The following ODAD1 variants were observed in gnomAD, a reference collection of about 807,000 sequenced individuals.
ODAD1 encodes outer dynein arm docking complex subunit 1.
ODAD1 carries 49 observed loss-of-function variants against 67.2 expected under a neutral mutation model. The ratio of observed to expected loss-of-function variants is 0.73; its 90% CI spans 0.58 to 0.92. The LOEUF is 0.92. Among genes scored for constraint, ODAD1 ranks in the 40% least tolerant of loss-of-function variants. ODAD1 has a pLI of 0.00. For missense variants in ODAD1, 897 were observed against 953.7 expected (o/e 0.94, Z 0.78); for synonymous variants, 345 against 393.7 (o/e 0.88, Z 1.46).
chr19:48,299,839 C>A (rs569333753), intron 12 of ODAD1, among the ~76,000 whole-genome samples: 1 of 149,150 alleles, frequency 6.7e-6, no homozygotes, highest in Non-Finnish European at 1.5e-5. Flanking sequence ...AAAAAGGATG[C>A]ACAGGTGGAT....
At chr19:48,299,743 G>A (rs1968408746) in intron 12 of ODAD1, among the ~76,000 whole-genome samples, 1 of 152,152 alleles carries the variant, frequency 6.6e-6, no homozygotes, top group African/African-American at 2.4e-5. Context: ...GGAGATTGCA[G>A]TGAGCCGAGA....
intron 7 of ODAD1, 100 bp downstream of exon 7, chr19:48,311,453 A>G (rs1968759469): frequency 4.1e-5 from 29 of 710,204 alleles, no homozygotes; most frequent in Non-Finnish European, 1.0e-5. Flanking sequence ...AGTCAATCCC[A>G]TACTTGAGGC....
intron 5 of ODAD1, among the ~76,000 whole-genome samples, chr19:48,317,168 G>T (rs1233511281): frequency 6.6e-6 from 1 of 151,888 alleles, no homozygotes; most frequent in Admixed American, 6.6e-5. Context: ...TTCAATGAAG[G>T]CTAGACCAGA....
intron 5 of ODAD1, among the ~76,000 whole-genome samples, chr19:48,313,673 A>G (rs1208360170): frequency 6.6e-6 from 1 of 151,994 alleles, no homozygotes; most frequent in Non-Finnish European, 1.5e-5. Flanking sequence ...TCTCGAAGCC[A>G]GGAGTTCAAG....
In ODAD1 at chr19:48,298,085, G is replaced by A; in HGVS notation, c.1417C>T (p.Leu473=). 6.2e-7 allele frequency: 1 copy of A among 1,613,276 alleles called. No individual in the cohort carries two copies. The highest frequency in any genetic ancestry group is 8.5e-7 in the Non-Finnish European group (1 of 1,179,736). Residue 473 remains leucine, a synonymous_variant, in exon 14 of 16, where the codon CTG becomes TTG. Coordinates refer to ENST00000674294, the MANE Select transcript of ODAD1 (RefSeq NM_001364171.2). The part of the protein sequence containing the change: ...AFLHAQSFTS[L]ADAALLVLGQ... ...AGCACTAGGAGGGCAGCGTCGGCCA[G>A]GGAGGTGAAGCTCTGGAGAGTGTGG... is the stretch of plus-strand genomic sequence containing the variant.
intron 12 of ODAD1, 100 bp from the exon 13 acceptor site, chr19:48,298,440 C>T (rs1041651400): frequency 6.0e-5 from 77 of 1,281,992 alleles, no homozygotes; most frequent in South Asian, 2.8e-4. Context: ...ACAGAGACTG[C>T]GGTCAAGGCT....
intron 7 of ODAD1, among the ~76,000 whole-genome samples, chr19:48,308,578 G>C (rs936561008): frequency 1.3e-5 from 2 of 152,224 alleles, no homozygotes; most frequent in African/African-American, 4.8e-5. Flanking sequence ...AACCATTCAG[G>C]GAAGAATCAT....
rs758832949 is a variant in ODAD1 at position 48,297,195 on chromosome 19, G to A, written c.1905C>T (p.His635=). 6.2e-6 allele frequency: 10 copies of A among 1,614,008 alleles called. No homozygotes were observed. Among genetic ancestry groups the A allele is most frequent in the African/African-American group, 2.7e-5 (2 of 74,936 alleles). ...FGSTSASSGG[H]VTFRPVSASS... Reference sequence around the variant, plus strand: ...TGGCGCTGACGGGTCTGAAGGTCACGTGGCCCCCACTCGAGGCACTGGTGG... The same window carrying A: ...TGGCGCTGACGGGTCTGAAGGTCACATGGCCCCCACTCGAGGCACTGGTGG... Residue 635 remains histidine (H), a synonymous_variant, in exon 16 of 16, where the codon CAC becomes CAT. Coordinates refer to ENST00000674294, the MANE Select transcript of ODAD1 (RefSeq NM_001364171.2).
chr19:48,319,456 TCC>T, intron 3 of ODAD1: 1 of 985,266 alleles, frequency 1.0e-6, no homozygotes, highest in Non-Finnish European at 1.2e-6. Context: ...GCCCGTATGC[TCC>T]CCATCTCCAA....
chr19:48,319,457 C>A, intron 3 of ODAD1: 1 of 985,252 alleles, frequency 1.0e-6, no homozygotes, highest in Non-Finnish European at 1.2e-6. Context: ...CCCGTATGCT[C>A]CCCATCTCCA....
chr19:48,319,094 G>A (rs1434491152), intron 3 of ODAD1, among the ~76,000 whole-genome samples: 1 of 151,926 alleles, frequency 6.6e-6, no homozygotes, highest in East Asian at 1.9e-4. Flanking sequence ...CTGGGACCTG[G>A]GCACACCACC....
In ODAD1 at chr19:48,320,476, G is replaced by A. The variant is rs973375326; in HGVS notation, c.-23-85C>T. On this transcript the variant is annotated intron_variant, in intron 2 of 15. Coordinates refer to ENST00000674294, the MANE Select transcript of ODAD1 (RefSeq NM_001364171.2). ...TGGACAATGAACTGCGAGGGACTGG[G>A]AATTGAAAGGGGGTGACCCTAGAAC... 36 of 702,456 alleles carry A rather than the reference G, an allele frequency of 5.1e-5. 1 individual carries two copies. Among genetic ancestry groups the A allele is most frequent in the East Asian group, 7.8e-5 (1 of 12,744 alleles). 43.5% of individuals were successfully genotyped at this position (702,456 alleles called of 1,614,324 possible). A position where few individuals can be genotyped will look rare whatever the true frequency, so the allele number is the denominator to read the frequency against.
chr19:48,304,693 GGTGTGC>G (rs1370565251), intron 8 of ODAD1, among the ~76,000 whole-genome samples: 3 of 151,624 alleles, frequency 2.0e-5, no homozygotes, highest in African/African-American at 7.3e-5. Context: ...CAAAACTCTC[GGTGTGC>G]TGCTGGCTCA....
In ODAD1 at chr19:48,302,706, T is replaced by C. The variant is rs1453009149; in HGVS notation, c.1228A>G (p.Lys410Glu). The change falls in exon 12 of 16, where the codon AAG becomes GAG. Residue 410 changes from lysine (K) to glutamate (E), a missense_variant. Physicochemically the swap from Lys to Glu is moderately conservative, Grantham distance 56 (BLOSUM62 1). Coordinates refer to ENST00000674294, the MANE Select transcript of ODAD1 (RefSeq NM_001364171.2). ...RFQDVRGQLE[K>E]LKADIQLLFT... ...CATGGGTGCTCACCAGCCTTGAGCT[T>C]CTCCAGCTGTCCCCGCACATCCTGG... 2.5e-6 allele frequency: 4 copies of C among 1,610,520 alleles called. No individual in the cohort carries two copies. The highest frequency in any genetic ancestry group is 3.4e-6 in the Non-Finnish European group (4 of 1,179,822).
chr19:48,302,740 C>T lies in ODAD1; in HGVS notation c.1194G>A (p.Glu398=). ...DKVHSEAERL[E]ARFQDVRGQL... is the part of the protein sequence containing the mutation. ...GTCCCCGCACATCCTGGAAGCGGGC[C>T]TCAAGGCGCTCAGCCTCCGAGTGCA... is the stretch of plus-strand genomic sequence containing the variant. Residue 398 remains glutamate, a synonymous_variant, in exon 12 of 16, where the codon GAG becomes GAA. Transcript: ENST00000674294. The T allele has an allele frequency of 6.2e-7, 1 of 1,613,210 alleles. No individual in the cohort carries two copies. Among genetic ancestry groups the T allele is most frequent in the Non-Finnish European group, 8.5e-7 (1 of 1,180,020 alleles).
chr19:48,297,965 C>T lies in ODAD1; in HGVS notation c.1502+35G>A, dbSNP rs74819209. 2.5e-3 allele frequency: 3,813 copies of T among 1,541,060 alleles called. 70 individuals are homozygous for T. In the African/African-American group the frequency reaches 0.047, roughly 19 times the overall value. ...GTTCCCTCTGCCCCCATGGAAGCCCCGTCCCCTCTGCGTCCCTCCTGCCCT... is the reference window on the plus strand; with the variant it reads ...GTTCCCTCTGCCCCCATGGAAGCCCTGTCCCCTCTGCGTCCCTCCTGCCCT... On this transcript the variant is annotated intron_variant, in intron 14 of 15. Coordinates refer to ENST00000674294, the MANE Select transcript of ODAD1 (RefSeq NM_001364171.2).
intron 12 of ODAD1, 85 bp downstream of exon 12, chr19:48,302,609 T>C: frequency 1.7e-6 from 2 of 1,165,854 alleles, no homozygotes; most frequent in Non-Finnish European, 2.4e-6. Context: ...AGGTTGTCCA[T>C]GCAATGCCTC....
chr19:48,308,394 T>C (rs996634072), intron 7 of ODAD1, among the ~76,000 whole-genome samples: 15 of 152,182 alleles, frequency 9.9e-5, no homozygotes, highest in Non-Finnish European at 5.9e-5. Flanking sequence ...CAGGCTGGTC[T>C]CGAACTCCTG....
chr19:48,309,254 G>A (rs1037380639), intron 7 of ODAD1, among the ~76,000 whole-genome samples: 11 of 152,152 alleles, frequency 7.2e-5, no homozygotes, highest in African/African-American at 2.4e-4. Context: ...GCAAGTACCC[G>A]GTAAGGTCCC....
Sources: allele counts gnomAD v4.1 joint callset (sites outside exome capture counted in the v4.1 genomes callset), GRCh38; gene constraint gnomAD v4.1.1; transcripts MANE v1.5; gene names NCBI Gene and HGNC (gene_info 2026-07-23, HGNC 2026-07-21).